The following RTF2 variants were observed in gnomAD, a reference collection of about 807,000 sequenced individuals.
RTF2 encodes UPF0549 protein C20orf43.
A neutral mutation model predicts 38.0 loss-of-function variants in RTF2; 18 were observed. That is an observed-to-expected ratio of 0.47 (90% CI 0.33 to 0.70). RTF2 has a LOEUF of 0.70. RTF2 is among the 30% of genes least tolerant of loss of function. RTF2 has a pLI of 0.02. For synonymous variants in RTF2, 126 were observed against 137.1 expected, an observed-to-expected ratio of 0.92 and a Z score of 0.57; for missense variants, 311 against 379.6, an observed-to-expected ratio of 0.82 and a Z score of 1.50.
At chr20:56,469,962 G>T (rs1981872513) in intron 1 of RTF2, among the ~76,000 whole-genome samples, 1 of 152,188 alleles carries the variant, frequency 6.6e-6, no homozygotes, top group Non-Finnish European at 1.5e-5. Flanking sequence ...ACTGAAATGT[G>T]CCTCACTTCC....
At chr20:56,514,133 G>T (rs1244102894) in intron 6 of RTF2, 2 of 152,176 alleles carry the variant, frequency 1.3e-5, no homozygotes, top group African/African-American at 4.8e-5. Context: ...ATGGAGCGTG[G>T]TGCTTCATGC....
intron 5 of RTF2, among the ~76,000 whole-genome samples, chr20:56,511,068 G>A (rs1345395020): frequency 1.3e-5 from 2 of 152,006 alleles, no homozygotes; most frequent in Non-Finnish European, 2.9e-5. Flanking sequence ...TTGTTGTTGT[G>A]ACATTGTCAT....
chr20:56,491,741 A>G (rs1983156156), intron 5 of RTF2: 6 of 1,552,030 alleles, frequency 3.9e-6, no homozygotes, highest in Non-Finnish European at 5.2e-6. Context: ...GAGCCACGGC[A>G]GGTCTCCTGG....
chr20:56,480,167 C>T (rs1425300026), intron 4 of RTF2, among the ~76,000 whole-genome samples: 1 of 152,194 alleles, frequency 6.6e-6, no homozygotes, highest in African/African-American at 2.4e-5. Flanking sequence ...CTAGTGTACC[C>T]ATCTTTATTA....
rs1236027692 is a variant in RTF2 at position 56,519,051 on chromosome 20, A to C, written c.*786A>C. On this transcript the variant is annotated 3_prime_UTR_variant, in exon 9 of 9. Transcript: ENST00000357348. ...TCGTACCCAAAAAGAGGTGCATTTT[A>C]TCTGCCTATAAGTTGTGTTGACGTC... 3.3e-5 allele frequency: 5 copies of C among 152,180 alleles called. No individual in the cohort carries two copies. Among genetic ancestry groups the C allele is most frequent in the Non-Finnish European group, 5.9e-5 (4 of 68,044 alleles). 9.4% of individuals were successfully genotyped at this position (152,180 alleles called of 1,614,324 possible).
intron 5 of RTF2, among the ~76,000 whole-genome samples, chr20:56,497,953 A>G (rs1433476241): frequency 6.6e-6 from 1 of 152,242 alleles, no homozygotes; most frequent in Non-Finnish European, 1.5e-5. Flanking sequence ...GCAATGTATG[A>G]TAGCCATTTA....
intron 5 of RTF2, among the ~76,000 whole-genome samples, chr20:56,487,613 C>T (rs1217698095): frequency 2.6e-5 from 4 of 152,228 alleles, no homozygotes; most frequent in Admixed American, 2.6e-4. Context: ...TTATACTGTA[C>T]ATCAGAGTTG....
In RTF2 at chr20:56,516,209, G is replaced by T. The variant is rs569861651; in HGVS notation, c.592-726G>T. 16 of 152,224 alleles carry T rather than the reference G, an allele frequency of 1.1e-4. No individual in the cohort carries two copies. The East Asian group carries it at 2.5e-3, about 24-fold the overall frequency. 9.4% of individuals were successfully genotyped at this position (152,224 alleles called of 1,614,324 possible). A position where few individuals can be genotyped will look rare whatever the true frequency, so the allele number is the denominator to read the frequency against. Reference sequence around the variant, plus strand: ...GAAGTAATCAGGCTGCCTATTTTTAGTGCCACCTTTTGGATGCTTAGGAAA... The same window carrying T: ...GAAGTAATCAGGCTGCCTATTTTTATTGCCACCTTTTGGATGCTTAGGAAA... On this transcript the variant is annotated intron_variant, in intron 6 of 8. Transcript: ENST00000357348.
chr20:56,495,387 T>C (rs537557472), intron 5 of RTF2: 1 of 1,004,352 alleles, frequency 1.0e-6, no homozygotes, highest in Admixed American at 2.1e-5. Flanking sequence ...TTCCATTTCC[T>C]CTAGATGAGG....
chr20:56,502,000 C>A (rs543852068), intron 5 of RTF2, among the ~76,000 whole-genome samples: 1 of 152,314 alleles, frequency 6.6e-6, no homozygotes, highest in Admixed American at 6.5e-5. Flanking sequence ...TCCATATCTG[C>A]AGCCTTTGAA....
At chr20:56,492,195 G>T (rs1479305833) in intron 5 of RTF2, among the ~76,000 whole-genome samples, 1 of 151,752 alleles carries the variant, frequency 6.6e-6, no homozygotes, top group Non-Finnish European at 1.5e-5. Context: ...ATAAGTCATT[G>T]CTTCTATATT....
intron 5 of RTF2, among the ~76,000 whole-genome samples, chr20:56,487,486 G>A (rs563917654): frequency 1.3e-5 from 2 of 152,332 alleles, no homozygotes; most frequent in South Asian, 2.1e-4. Flanking sequence ...TGGCTGTTGC[G>A]ACTTTCTGCA....
At chr20:56,475,429 T>C (rs1262748634) in intron 3 of RTF2, among the ~76,000 whole-genome samples, 6 of 152,188 alleles carry the variant, frequency 3.9e-5, no homozygotes, top group African/African-American at 1.4e-4. Flanking sequence ...TCTTTTTCTT[T>C]CTTTCTTTCG....
At chr20:56,490,364 G>A (rs1051004055) in intron 5 of RTF2, among the ~76,000 whole-genome samples, 1 of 152,182 alleles carries the variant, frequency 6.6e-6, no homozygotes, top group Non-Finnish European at 1.5e-5. Flanking sequence ...AGAGAAGGAG[G>A]ATATATATAA....
intron 1 of RTF2, among the ~76,000 whole-genome samples, chr20:56,469,986 C>G (rs779886632): frequency 6.6e-6 from 1 of 152,202 alleles, no homozygotes. Flanking sequence ...ATTCTCTCTT[C>G]TCTTCTTAAC....
intron 5 of RTF2, among the ~76,000 whole-genome samples, chr20:56,501,333 TAATG>T (rs1983915268): frequency 6.6e-6 from 1 of 152,166 alleles, no homozygotes. Context: ...AATGAAAAAA[TAATG>T]AAGGTTTAGT....
At chr20:56,497,324 CAGCCCCCG>C (rs1418306463) in intron 5 of RTF2, 5 of 1,550,134 alleles carry the variant, frequency 3.2e-6, no homozygotes, top group Non-Finnish European at 4.4e-6. Context: ...TTATGAAATG[CAGCCCCCG>C]AGAAATCCTG....
chr20:56,487,023 G>A (rs1443955612), intron 5 of RTF2, among the ~76,000 whole-genome samples: 1 of 152,190 alleles, frequency 6.6e-6, no homozygotes, highest in Non-Finnish European at 1.5e-5. Flanking sequence ...TAGTTCTTAA[G>A]AGTTCTCAGA....
rs759419065 is a variant in RTF2 at position 56,518,289 on chromosome 20, C to T, written c.*24C>T. On this transcript the variant is annotated 3_prime_UTR_variant, in exon 9 of 9. Coordinates refer to ENST00000357348, the MANE Select transcript of RTF2 (RefSeq NM_016407.5). ...GAAGCCCGCACTGCCACCGCTCCTGCCCCAGAAGGTTGTTTAGTTTCCACG... is the reference window on the plus strand; with the variant it reads ...GAAGCCCGCACTGCCACCGCTCCTGTCCCAGAAGGTTGTTTAGTTTCCACG... 1 of 1,598,468 alleles carries T rather than the reference C, an allele frequency of 6.3e-7. No individual in the cohort carries two copies. The highest frequency in any genetic ancestry group is 8.5e-7 in the Non-Finnish European group (1 of 1,173,752).
Sources: allele counts gnomAD v4.1 joint callset (sites outside exome capture counted in the v4.1 genomes callset), GRCh38; gene constraint gnomAD v4.1.1; transcripts MANE v1.5; gene names NCBI Gene and HGNC (gene_info 2026-07-23, HGNC 2026-07-21).